Variants in LUZP1 observed in about 807,000 individuals in gnomAD.
The protein encoded by LUZP1 is filamin mechanobinding actin cross-linking protein.
Under a neutral mutation model 71.3 loss-of-function variants are expected in LUZP1, and 25 were observed. The ratio of observed to expected loss-of-function variants is 0.35; its 90% CI spans 0.26 to 0.49. LUZP1 has a LOEUF of 0.49. Ranked by LOEUF, LUZP1 falls within the 20% of genes least tolerant of loss-of-function variation. The pLI, the probability that LUZP1 is intolerant of heterozygous loss-of-function variation, is 0.99. For missense variants in LUZP1, 1,142 were observed against 1,300.8 expected (o/e 0.88, Z 1.88); for synonymous variants, 481 against 506.4 (o/e 0.95, Z 0.67).
intron 1 of LUZP1, among the ~76,000 whole-genome samples, chr1:23,173,370 T>TTTTTTTTTG (rs1644564563): frequency 7.5e-6 from 1 of 134,208 alleles, no homozygotes; most frequent in African/African-American, 2.9e-5. Flanking sequence ...TTTTTTTTTT[T>TTTTTTTTTG]TTCAGATAGA....
intron 2 of LUZP1, among the ~76,000 whole-genome samples, chr1:23,136,064 G>T (rs1569640525): frequency 6.6e-6 from 1 of 152,160 alleles, no homozygotes; most frequent in East Asian, 1.9e-4. Flanking sequence ...AAATCAATGA[G>T]CTTTTTTGTG....
intron 2 of LUZP1, among the ~76,000 whole-genome samples, chr1:23,132,116 G>C (rs1473191695): frequency 6.6e-6 from 1 of 152,114 alleles, no homozygotes; most frequent in Non-Finnish European, 1.5e-5. Flanking sequence ...CCAAATAACT[G>C]CTCAACAAAT....
chr1:23,092,759 C>A (rs1430403141), exon 4 of LUZP1: 3 of 1,613,944 alleles, frequency 1.9e-6, no homozygotes, highest in Non-Finnish European at 2.5e-6. Context: ...CCACTTTTCC[C>A]TTCAGTCCGC....
At chr1:23,158,252 T>C (rs1644435784) in intron 2 of LUZP1, among the ~76,000 whole-genome samples, 1 of 152,238 alleles carries the variant, frequency 6.6e-6, no homozygotes, top group Non-Finnish European at 1.5e-5. Context: ...GTTATTTATA[T>C]CCACTCATCT....
At position 23,094,221 on chromosome 1, in the gene LUZP1, C is replaced by A. The variant is rs762252839; in HGVS notation, c.41G>T (p.Arg14Leu). 3 of 1,612,852 alleles carry A rather than the reference C, an allele frequency of 1.9e-6. No individual in the cohort carries two copies. The highest frequency in any genetic ancestry group is 2.5e-6 in the Non-Finnish European group (3 of 1,179,602). Residue 14 changes from arginine to leucine, a missense_variant, in exon 4 of 5, where the codon CGC (arginine) becomes CTC (leucine). By Grantham distance (102) the Arg-to-Leu change is moderately radical. Transcript: ENST00000302291. This position sits in a 1 kb window ranked among gnomAD's most constrained non-coding sequence, Gnocchi z 4.7. ...ACTCTGTAGCTTAAACCGCAAGTGG[C>A]GGCTGGAGGCCGTCTCCTTGTAGCT...
intron 3 of LUZP1, among the ~76,000 whole-genome samples, chr1:23,107,603 C>T (rs543746926): frequency 6.6e-6 from 1 of 152,250 alleles, no homozygotes; most frequent in East Asian, 1.9e-4. Context: ...GAGTTCAAGA[C>T]CAGCCTGGCC....
At chr1:23,166,048 CAAAA>C (rs76454136) in intron 2 of LUZP1, among the ~76,000 whole-genome samples, 8 of 98,520 alleles carry the variant, frequency 8.1e-5, no homozygotes, top group Admixed American at 1.1e-4. Context: ...GTCTTTTTAC[CAAAA>C]AAAAAAAAAA....
exon 5 of LUZP1, chr1:23,085,199 G>A (rs1044267925): frequency 6.6e-6 from 1 of 152,570 alleles, no homozygotes; most frequent in African/African-American, 2.4e-5. Flanking sequence ...CAGAGCACCT[G>A]CCTGAGCAAG....
intron 2 of LUZP1, among the ~76,000 whole-genome samples, chr1:23,148,081 G>A (rs1221785270): frequency 6.6e-6 from 1 of 152,114 alleles, no homozygotes; most frequent in African/African-American, 2.4e-5. Flanking sequence ...AATTAAAATA[G>A]GTAGTGTCTT....
intron 2 of LUZP1, among the ~76,000 whole-genome samples, chr1:23,155,931 C>T (rs890927623): frequency 2.0e-5 from 3 of 152,218 alleles, no homozygotes; most frequent in East Asian, 3.9e-4. Flanking sequence ...CAGGACTTAA[C>T]CAAAAATTAA....
exon 5 of LUZP1, chr1:23,088,921 T>C (rs777439744): frequency 1.5e-5 from 24 of 1,614,060 alleles, no homozygotes; most frequent in Non-Finnish European, 1.8e-5. Flanking sequence ...CAGGGCCTGG[T>C]TGGCCGTAAT....
At position 23,160,709 on chromosome 1, in the gene LUZP1, T is replaced by C. The variant is rs1170954378; in HGVS notation, c.-226+8057A>G. 2.6e-5 allele frequency among the ~76,000 whole-genome samples: 4 copies of C among 152,094 alleles called. No homozygotes were observed. The South Asian group carries it at 8.3e-4, about 32-fold the overall frequency. ...AAGACCTACTATGTGCCAGTGAAAATAACTGAGGAGGGCATTAGCTAAAAC... is the reference window on the plus strand; with the variant it reads ...AAGACCTACTATGTGCCAGTGAAAACAACTGAGGAGGGCATTAGCTAAAAC... On this transcript the variant is annotated intron_variant, in intron 2 of 4. Coordinates refer to ENST00000302291, the Ensembl canonical transcript of LUZP1.
intron 3 of LUZP1, among the ~76,000 whole-genome samples, chr1:23,107,288 A>G (rs141939561): frequency 1.3e-5 from 2 of 152,234 alleles, no homozygotes; most frequent in African/African-American, 4.8e-5. Context: ...TGTACTATCT[A>G]GTGGATGTTA....
exon 2 of LUZP1, chr1:23,168,835 C>A (rs984987913): frequency 1.3e-5 from 2 of 152,720 alleles, no homozygotes; most frequent in African/African-American, 2.4e-5. Context: ...ACCGGCGCCT[C>A]CTCTGGCTCC....
At chr1:23,091,257 A>G in exon 4 of LUZP1, 1 of 1,613,822 alleles carries the variant, frequency 6.2e-7, no homozygotes, top group Non-Finnish European at 8.5e-7. Flanking sequence ...ACGGGTAAGC[A>G]CCTCTGACAC....
intron 2 of LUZP1, among the ~76,000 whole-genome samples, chr1:23,166,883 CTG>C (rs1043776676): frequency 1.3e-5 from 2 of 152,234 alleles, no homozygotes; most frequent in African/African-American, 4.8e-5. Context: ...AACAATGAAC[CTG>C]TGTTTGCTGC....
At chr1:23,099,558 CTT>C (rs1643915708) in intron 3 of LUZP1, among the ~76,000 whole-genome samples, 1 of 152,202 alleles carries the variant, frequency 6.6e-6, no homozygotes, top group African/African-American at 2.4e-5. Context: ...TTCACAATCT[CTT>C]TTTCAAAAGA....
intron 2 of LUZP1, among the ~76,000 whole-genome samples, chr1:23,155,073 C>T (rs1644411778): frequency 6.6e-6 from 1 of 152,096 alleles, no homozygotes; most frequent in Non-Finnish European, 1.5e-5. Flanking sequence ...TCAAATTACA[C>T]TAAGAATATA....
At chr1:23,177,441 G>C (rs1185310039) in intron 1 of LUZP1, 3 of 152,128 alleles carry the variant, frequency 2.0e-5, no homozygotes, top group Non-Finnish European at 2.9e-5. Flanking sequence ...AACAGACCCC[G>C]AGTTGCATCC....
Sources: allele counts gnomAD v4.1 joint callset (sites outside exome capture counted in the v4.1 genomes callset), GRCh38; gene constraint gnomAD v4.1.1; non-coding constraint Gnocchi (gnomAD v3.1); transcripts MANE v1.5; gene names NCBI Gene and HGNC (gene_info 2026-07-23, HGNC 2026-07-21).